Variants in COG5 observed in about 807,000 individuals in gnomAD.
COG5 encodes the protein component of oligomeric golgi complex 5.
In COG5, 86 loss-of-function variants were observed where a neutral mutation model predicts 110.4. The ratio of observed to expected loss-of-function variants is 0.78; its 90% CI spans 0.65 to 0.93. The LOEUF (loss-of-function observed/expected upper bound fraction) is 0.93. Ranked by LOEUF, COG5 falls within the 40% of genes least tolerant of loss-of-function variation. The pLI, the probability that COG5 is intolerant of heterozygous loss-of-function variation, is 0.00. For missense variants in COG5, 1,077 were observed against 987.0 expected, an observed-to-expected ratio of 1.09 and a Z score of -1.22; for synonymous variants, 360 against 334.6, an observed-to-expected ratio of 1.08 and a Z score of -0.83.
At chr7:107,297,149 G>T (rs972404359) in intron 12 of COG5, among the ~76,000 whole-genome samples, 1 of 152,076 alleles carries the variant, frequency 6.6e-6, no homozygotes, top group African/African-American at 2.4e-5. Context: ...CTCCATTTCT[G>T]CAAATTCTAC....
At chr7:107,531,301 A>AT (rs1471027586) in intron 5 of COG5, among the ~76,000 whole-genome samples, 1 of 152,046 alleles carries the variant, frequency 6.6e-6, no homozygotes, top group Non-Finnish European at 1.5e-5. Flanking sequence ...TAAGTTTAGT[A>AT]TTTTTGGCAA....
chr7:107,486,345 G>A (rs111575232), intron 6 of COG5, among the ~76,000 whole-genome samples: 3,434 of 151,668 alleles, frequency 0.023, 55 homozygotes, highest in Middle Eastern at 0.078. Context: ...ATACAATTCT[G>A]CTCATTTTCA....
In COG5 at chr7:107,401,114, A is replaced by C. The variant is rs141694783; in HGVS notation, c.669+11388T>G. On this transcript the variant is annotated intron_variant, in intron 7 of 21. Coordinates refer to ENST00000297135, the MANE Select transcript of COG5 (RefSeq NM_006348.5). ...TTTTTCCAACCATTTAAAAATATAA[A>C]AATAATTCTTAGCACTGCGGCAACA... Among the ~76,000 whole-genome samples the C allele has an allele frequency of 7.4e-3, 1,124 of 152,214 alleles. 25 individuals carry two copies. The East Asian group carries it at 0.074, about 10-fold the overall frequency.
rs188985602 is a variant in COG5 at position 107,491,450 on chromosome 7, T to G, written c.538+35787A>C. On this transcript the variant is annotated intron_variant, in intron 6 of 21. Transcript: ENST00000297135. ...ATGTTAACCATTCATGCTCTCCACT[T>G]TGTCCCAAGATGCAATTCTTCCTCA... Among the ~76,000 whole-genome samples, 47 of 152,214 alleles carry G rather than the reference T, an allele frequency of 3.1e-4. No individual in the cohort carries two copies. In the East Asian group the frequency reaches 8.3e-3, roughly 27 times the overall value.
chr7:107,461,163 G>T (rs1795967020), intron 6 of COG5, among the ~76,000 whole-genome samples: 1 of 151,662 alleles, frequency 6.6e-6, no homozygotes, highest in Non-Finnish European at 1.5e-5. Context: ...AGACCAATAG[G>T]CCTTATGACT....
At chr7:107,403,188 A>C (rs1381640517) in intron 7 of COG5, among the ~76,000 whole-genome samples, 3 of 152,292 alleles carry the variant, frequency 2.0e-5, no homozygotes, top group African/African-American at 7.2e-5. Flanking sequence ...TTCTTCTAAT[A>C]AATAGTTGCT....
intron 10 of COG5, among the ~76,000 whole-genome samples, chr7:107,350,061 G>A (rs1812000122): frequency 6.6e-6 from 1 of 152,118 alleles, no homozygotes; most frequent in East Asian, 1.9e-4. Flanking sequence ...TATATTTCCA[G>A]TTTGCCTAGA....
chr7:107,298,083 A>C (rs1404911735), intron 12 of COG5, 59 bp downstream of exon 12: 7 of 782,408 alleles, frequency 8.9e-6, no homozygotes, highest in Non-Finnish European at 1.1e-5. Flanking sequence ...TAAAAGATAA[A>C]ATTTAAAATA....
chr7:107,380,222 A>G (rs1395502424), intron 7 of COG5, among the ~76,000 whole-genome samples: 1 of 152,170 alleles, frequency 6.6e-6, no homozygotes, highest in African/African-American at 2.4e-5. Context: ...GAAAGATCTA[A>G]AATCGACACC....
rs150607472 is a variant in COG5, at chr7:107,331,936, G to T, written c.1027-7415C>A. On this transcript the variant is annotated intron_variant, in intron 10 of 21. Transcript: ENST00000297135. ...GGCTCACTGCAGCCTCTGCCTCCAGGGTCCAAATGATAAATGATTCCCGTG... is the reference window on the plus strand; with the variant it reads ...GGCTCACTGCAGCCTCTGCCTCCAGTGTCCAAATGATAAATGATTCCCGTG... 6.9e-4 allele frequency among the ~76,000 whole-genome samples: 105 copies of T among 151,516 alleles called. No individual in the cohort carries two copies. The Middle Eastern group carries it at 0.014, about 20-fold the overall frequency.
intron 10 of COG5, among the ~76,000 whole-genome samples, chr7:107,352,020 T>C (rs188692471): frequency 6.9e-6 from 1 of 144,922 alleles, no homozygotes; most frequent in South Asian, 2.3e-4. Context: ...ACATGTTTAT[T>C]GCGGCACTAT....
At chr7:107,348,354 T>G (rs1486670955) in intron 10 of COG5, among the ~76,000 whole-genome samples, 1 of 152,078 alleles carries the variant, frequency 6.6e-6, no homozygotes, top group East Asian at 1.9e-4. Context: ...AGGGGTCTTC[T>G]CTAGAAAAAC....
chr7:107,351,990 T>G (rs1249587671), intron 10 of COG5, among the ~76,000 whole-genome samples: 2 of 145,684 alleles, frequency 1.4e-5, no homozygotes, highest in African/African-American at 2.5e-5. Context: ...TAAATCACGC[T>G]GCTATAAAGA....
chr7:107,460,725 A>C (rs1210930515), intron 6 of COG5, among the ~76,000 whole-genome samples: 1 of 152,112 alleles, frequency 6.6e-6, no homozygotes, highest in Non-Finnish European at 1.5e-5. Flanking sequence ...GCAAACTCAA[A>C]AAGAAAAAAA....
In COG5 at chr7:107,236,557, T is replaced by C; in HGVS notation, c.1984A>G (p.Thr662Ala). 1 of 1,614,148 alleles carries C rather than the reference T, an allele frequency of 6.2e-7. No individual in the cohort carries two copies. Among genetic ancestry groups the C allele is most frequent in the South Asian group, 1.1e-5 (1 of 91,072 alleles). ...ACAGCTCTTTGGGCAATAGCCTCAGTGTTGTCAAAGACAAAATCCAAGCAT... is the reference window on the plus strand; with the variant it reads ...ACAGCTCTTTGGGCAATAGCCTCAGCGTTGTCAAAGACAAAATCCAAGCAT... ...FECLDFVFDN[T>A]EAIAQRAVEL... The change falls in exon 18 of 22, where the codon ACT (threonine) becomes GCT (alanine). Residue 662 changes from threonine to alanine, a missense_variant. Physicochemically the swap from Thr to Ala is moderately conservative, Grantham distance 58. Coordinates refer to ENST00000297135, the MANE Select transcript of COG5 (RefSeq NM_006348.5).
At chr7:107,336,396 GGAGA>G (rs200260282) in intron 10 of COG5, among the ~76,000 whole-genome samples, 2,232 of 152,202 alleles carry the variant, frequency 0.015, 50 homozygotes, top group African/African-American at 0.052. Flanking sequence ...AAAAAATCGA[GGAGA>G]GAGAGACACA....
At chr7:107,508,599 C>T (rs1405622730) in intron 6 of COG5, among the ~76,000 whole-genome samples, 1 of 152,220 alleles carries the variant, frequency 6.6e-6, no homozygotes, top group Non-Finnish European at 1.5e-5. Flanking sequence ...GGGTCCGTGA[C>T]CCCCGAGCAG....
At chr7:107,532,470 T>A (rs1365460543) in intron 5 of COG5, among the ~76,000 whole-genome samples, 3 of 152,230 alleles carry the variant, frequency 2.0e-5, no homozygotes. Context: ...AATATTCATT[T>A]GATTTATGCC....
At chr7:107,499,867 C>G (rs917420652) in intron 6 of COG5, among the ~76,000 whole-genome samples, 9 of 151,910 alleles carry the variant, frequency 5.9e-5, no homozygotes, top group African/African-American at 2.2e-4. Context: ...CATTTTTTTT[C>G]TGCAAACCTT....
Sources: allele counts gnomAD v4.1 joint callset (sites outside exome capture counted in the v4.1 genomes callset), GRCh38; gene constraint gnomAD v4.1.1; transcripts MANE v1.5; gene names NCBI Gene and HGNC (gene_info 2026-07-23, HGNC 2026-07-21).